The following ZC2HC1A variants were observed in gnomAD, a reference collection of about 807,000 sequenced individuals.
The protein encoded by ZC2HC1A is zinc finger C2HC-type containing 1A, also known as zinc finger C2HC domain-containing protein 1A.
A neutral mutation model predicts 40.7 loss-of-function variants in ZC2HC1A; 28 were observed. The ratio of observed to expected loss-of-function variants is 0.69; its 90% CI spans 0.51 to 0.94. The LOEUF (loss-of-function observed/expected upper bound fraction) is 0.94, where lower values mean the gene tolerates loss of function less well. ZC2HC1A is among the 40% of genes least tolerant of loss of function. The pLI is 0.00. For synonymous variants in ZC2HC1A, 129 were observed against 129.2 expected (o/e 1.00, Z 0.01); for missense variants, 389 against 386.3 (o/e 1.01, Z -0.06).
chr8:78,714,179 A>G (rs958434642), intron 7 of ZC2HC1A, among the ~76,000 whole-genome samples: 1 of 152,168 alleles, frequency 6.6e-6, no homozygotes, highest in African/African-American at 2.4e-5. Context: ...TTCAATGAAC[A>G]TCTAAATCCT....
chr8:78,669,990 G>A (rs1247968164), intron 1 of ZC2HC1A, among the ~76,000 whole-genome samples: 8 of 122,330 alleles, frequency 6.5e-5, no homozygotes, highest in Admixed American at 3.8e-4. Context: ...TTTTTGATAC[G>A]GAGTTTCGCT....
At chr8:78,678,453 G>T (rs1809656225) in intron 2 of ZC2HC1A, 110 bp from the exon 3 acceptor site, 2 of 761,650 alleles carry the variant, frequency 2.6e-6, no homozygotes, top group South Asian at 2.1e-5. Context: ...TTGTATTCAG[G>T]TTTTTCATTT....
Position 78,698,451 on chromosome 8 carries a change from T to C in ZC2HC1A, c.642T>C (p.Ser214=), listed in dbSNP as rs1315494289. Residue 214 remains serine, a synonymous_variant, in exon 7 of 9, where the codon TCT becomes TCC. Transcript: ENST00000263849. ...GTAAAGTGTCTTCAAGTAGCAGCTC[T>C]TTGGGAAACAAACTTCAGACCTTAT... ...PSGKVSSSSS[S]LGNKLQTLSP... 6.2e-7 allele frequency: 1 copy of C among 1,613,338 alleles called. No homozygotes were observed. The highest frequency in any genetic ancestry group is 8.5e-7 in the Non-Finnish European group (1 of 1,179,458).
Position 78,686,567 on chromosome 8 carries a change from G to A in ZC2HC1A, c.311G>A (p.Gly104Asp). 1.3e-6 allele frequency: 2 copies of A among 1,533,884 alleles called. No homozygotes were observed. Among genetic ancestry groups the A allele is most frequent in the Non-Finnish European group, 1.8e-6 (2 of 1,139,578 alleles). Residue 104 changes from glycine to aspartate, a missense_variant, in exon 4 of 9, where the codon GGT (glycine) becomes GAT (aspartate). Gly to Asp is a moderately conservative substitution (Grantham distance 94). Coordinates refer to ENST00000263849, the MANE Select transcript of ZC2HC1A (RefSeq NM_016010.3). Reference protein sequence around the residue: ...AKGLDQALKEGGKLPPPPPPS... With the variant: ...AKGLDQALKEDGKLPPPPPPS... Reference sequence around the variant, plus strand: ...GGCCTTGATCAGGCCCTCAAAGAGGGTGGCAAACTTCCTCCTCCTCCTCCA... The same window carrying A: ...GGCCTTGATCAGGCCCTCAAAGAGGATGGCAAACTTCCTCCTCCTCCTCCA...
chr8:78,684,565 A>C (rs1204563937), intron 3 of ZC2HC1A, among the ~76,000 whole-genome samples: 1 of 152,236 alleles, frequency 6.6e-6, no homozygotes, highest in Non-Finnish European at 1.5e-5. Context: ...GATATTTGAA[A>C]AGACTAGATA....
At position 78,675,768 on chromosome 8, in the gene ZC2HC1A, A is replaced by G. The variant is rs377718829; in HGVS notation, c.17-19A>G. The stretch of plus-strand genomic sequence containing the variant: ...TTTCAAGTTATATAAATTATTTATT[A>G]AATTCCTTCCTGTTTTAGAGAATGG... On this transcript the variant is annotated intron_variant, in intron 1 of 8. Transcript: ENST00000263849. The G allele has an allele frequency of 3.2e-6, 5 of 1,577,660 alleles. No individual in the cohort carries two copies. The highest frequency in any genetic ancestry group is 4.3e-6 in the Non-Finnish European group (5 of 1,156,786).
chr8:78,709,562 T>A lies in ZC2HC1A; in HGVS notation c.705-5659T>A, dbSNP rs535496614. ...TGAGATACTAATTATTTGTGTAGGA[T>A]TGATAAATTTAGGATCAAAAGTAGA... On this transcript the variant is annotated intron_variant, in intron 7 of 8. Coordinates refer to ENST00000263849, the MANE Select transcript of ZC2HC1A (RefSeq NM_016010.3). Among the ~76,000 whole-genome samples, 4 of 152,208 alleles carry A rather than the reference T, an allele frequency of 2.6e-5. No homozygotes were observed. The South Asian group carries it at 8.3e-4, about 32-fold the overall frequency.
At chr8:78,687,823 A>T (rs1448845074) in intron 4 of ZC2HC1A, among the ~76,000 whole-genome samples, 1 of 125,854 alleles carries the variant, frequency 7.9e-6, no homozygotes, top group Non-Finnish European at 1.6e-5. Flanking sequence ...AAATATATAT[A>T]TTCATGTAAT....
chr8:78,711,995 T>A, intron 7 of ZC2HC1A: 1 of 1,289,372 alleles, frequency 7.8e-7, no homozygotes, highest in South Asian at 1.2e-5. Context: ...AATAGTAATA[T>A]GGACAAGTTA....
chr8:78,712,306 T>C (rs1009863137), intron 7 of ZC2HC1A, among the ~76,000 whole-genome samples: 14 of 152,164 alleles, frequency 9.2e-5, no homozygotes, highest in Non-Finnish European at 2.9e-5. Flanking sequence ...AATAAAACTT[T>C]TTAGGTTATA....
chr8:78,675,170 CTTTA>C (rs1029735047), intron 1 of ZC2HC1A, among the ~76,000 whole-genome samples: 1 of 151,346 alleles, frequency 6.6e-6, no homozygotes, highest in African/African-American at 2.4e-5. Flanking sequence ...GTAGCTACCT[CTTTA>C]TTTAATTTTG....
chr8:78,689,170 G>T, intron 4 of ZC2HC1A, 52 bp from the exon 5 acceptor site: 2 of 1,299,182 alleles, frequency 1.5e-6, no homozygotes, highest in South Asian at 2.4e-5. Flanking sequence ...ATTTTTTAAT[G>T]TCCGTTTCAA....
chr8:78,701,203 T>G (rs917634144), intron 7 of ZC2HC1A, among the ~76,000 whole-genome samples: 1 of 152,198 alleles, frequency 6.6e-6, no homozygotes, highest in African/African-American at 2.4e-5. Context: ...GTATAGATCT[T>G]TCACCTCCCC....
rs1811048672 is a variant in ZC2HC1A, at chr8:78,714,807, A to C, written c.705-414A>C. 2.0e-5 allele frequency among the ~76,000 whole-genome samples: 3 copies of C among 152,186 alleles called. No individual in the cohort carries two copies. The South Asian group carries it at 6.2e-4, about 31-fold the overall frequency. ...TTATTCTTTAATGTGACTAGCAAAAAAATTCTTTTTTTAACTACATCGTAT... is the reference window on the plus strand; with the variant it reads ...TTATTCTTTAATGTGACTAGCAAAACAATTCTTTTTTTAACTACATCGTAT... On this transcript the variant is annotated intron_variant, in intron 7 of 8. Coordinates refer to ENST00000263849, the MANE Select transcript of ZC2HC1A (RefSeq NM_016010.3).
At chr8:78,692,857 A>G (rs547832601) in intron 5 of ZC2HC1A, among the ~76,000 whole-genome samples, 2 of 152,080 alleles carry the variant, frequency 1.3e-5, no homozygotes, top group African/African-American at 2.4e-5. Context: ...CATGGAGTAT[A>G]TCTCCTAATG....
At chr8:78,708,218 C>A (rs528535109) in intron 7 of ZC2HC1A, among the ~76,000 whole-genome samples, 1 of 152,154 alleles carries the variant, frequency 6.6e-6, no homozygotes, top group African/African-American at 2.4e-5. Context: ...TTAGTAAATG[C>A]TGTTATTTCA....
intron 3 of ZC2HC1A, among the ~76,000 whole-genome samples, chr8:78,683,060 C>G (rs1038554240): frequency 1.3e-5 from 2 of 152,240 alleles, no homozygotes; most frequent in Non-Finnish European, 2.9e-5. Context: ...AGCTCTACCC[C>G]TTTGTCTTTG....
At chr8:78,686,695 T>G (rs1208628639) in intron 4 of ZC2HC1A, 87 bp downstream of exon 4, 3 of 1,318,042 alleles carry the variant, frequency 2.3e-6, no homozygotes, top group Non-Finnish European at 2.9e-6. Flanking sequence ...TAAGCTTAAC[T>G]TACAATCATG....
In ZC2HC1A at chr8:78,684,057, A is replaced by G. The variant is rs899354674; in HGVS notation, c.211-2410A>G. 7.9e-5 allele frequency among the ~76,000 whole-genome samples: 12 copies of G among 152,280 alleles called. No homozygotes were observed. In the East Asian group the frequency reaches 1.5e-3, roughly 20 times the overall value. On this transcript the variant is annotated intron_variant, in intron 3 of 8. Transcript: ENST00000263849. ...ATTCAACAAGTTTCTAGGAAGTTCC[A>G]AACTTTCCCACATTTTTCTGTCTTC...
Sources: allele counts gnomAD v4.1 joint callset (sites outside exome capture counted in the v4.1 genomes callset), GRCh38; gene constraint gnomAD v4.1.1; transcripts MANE v1.5; gene names NCBI Gene and HGNC (gene_info 2026-07-23, HGNC 2026-07-21).